The following MPDZ variants were observed in gnomAD, a reference collection of about 807,000 sequenced individuals.
The protein encoded by MPDZ is multiple PDZ domain crumbs cell polarity complex component.
MPDZ carries 234 observed loss-of-function variants against 239.1 expected under a neutral mutation model. The observed-to-expected ratio is 0.98, with a 90% CI of 0.88 to 1.09. The LOEUF is 1.09. Ranked by LOEUF, MPDZ falls within the 50% of genes least tolerant of loss-of-function variation. The pLI, the probability that MPDZ is intolerant of heterozygous loss-of-function variation, is 0.00. For synonymous variants in MPDZ, 1,048 were observed against 881.3 expected, an observed-to-expected ratio of 1.19 and a Z score of -3.35; for missense variants, 3,175 against 2,510.0, an observed-to-expected ratio of 1.26 and a Z score of -5.66.
chr9:13,221,571 T>C lies in MPDZ; in HGVS notation c.748-71A>G, dbSNP rs1587907183. 7 of 1,514,890 alleles carry C rather than the reference T, an allele frequency of 4.6e-6. No individual in the cohort carries two copies. The East Asian group carries it at 1.6e-4, about 35-fold the overall frequency. The allele number at this position is 1,514,890 out of a possible 1,614,324, so 93.8% of individuals were successfully genotyped here. ...CTACCATTTTACATTACAGTAGAAA[T>C]TTTTGCGATTATTTTGTTAATATTA... is the stretch of plus-strand genomic sequence containing the variant. On this transcript the variant is annotated intron_variant, in intron 6 of 46. Coordinates refer to ENST00000319217, the MANE Select transcript of MPDZ (RefSeq NM_001378778.1).
chr9:13,119,110 G>A (rs1216048755), intron 39 of MPDZ, among the ~76,000 whole-genome samples: 3 of 152,130 alleles, frequency 2.0e-5, no homozygotes, highest in African/African-American at 7.2e-5. Context: ...GATTTGAGAT[G>A]ACTTTTTATT....
At chr9:13,132,194 C>T (rs1314078960) in intron 32 of MPDZ, among the ~76,000 whole-genome samples, 5 of 152,084 alleles carry the variant, frequency 3.3e-5, no homozygotes, top group East Asian at 3.9e-4. Context: ...AAAAAGGAGG[C>T]GAAAGGCAGA....
chr9:13,121,693 C>G (rs1944371182), intron 38 of MPDZ, 46 bp downstream of exon 38: 1 of 1,581,710 alleles, frequency 6.3e-7, no homozygotes, highest in African/African-American at 1.3e-5. Context: ...TGATTTAAGT[C>G]CCATCATTTC....
chr9:13,143,472 G>C lies in MPDZ; in HGVS notation c.3834C>G (p.Ala1278=), dbSNP rs376910378. 10 of 1,610,834 alleles carry C rather than the reference G, an allele frequency of 6.2e-6. No individual in the cohort carries two copies. The highest frequency in any genetic ancestry group is 2.2e-5 in the South Asian group (2 of 90,916). Residue 1278 remains alanine, a synonymous_variant, in exon 27 of 47, where the codon GCC becomes GCG. Coordinates refer to ENST00000319217, the MANE Select transcript of MPDZ (RefSeq NM_001378778.1). ...ACAATGGGCATTATCCAACCTTGTC[G>C]GCGTTGATTTGTAGAGAGTCAGCAA... ...NPFADSLQIN[A]DKAPSQSESE... is the part of the protein sequence containing the mutation.
intron 1 of MPDZ, among the ~76,000 whole-genome samples, chr9:13,251,282 C>T (rs907374778): frequency 1.1e-4 from 16 of 152,002 alleles, no homozygotes; most frequent in Non-Finnish European, 1.9e-4. Context: ...TTCAAAAGTT[C>T]TCAAAATACT....
chr9:13,107,178 A>G, intron 46 of MPDZ, 67 bp from the exon 47 acceptor site: 1 of 1,471,492 alleles, frequency 6.8e-7, no homozygotes, highest in Non-Finnish European at 9.2e-7. Context: ...CAACAGAAAA[A>G]GATCTCAACA....
chr9:13,162,912 T>C (rs1950639370), intron 22 of MPDZ, 117 bp from the exon 23 acceptor site: 2 of 646,010 alleles, frequency 3.1e-6, no homozygotes, highest in Non-Finnish European at 5.4e-6. Context: ...TACTTTTTCA[T>C]ACAACTCATT....
intron 3 of MPDZ, among the ~76,000 whole-genome samples, chr9:13,238,656 T>C (rs192785530): frequency 6.6e-6 from 1 of 152,288 alleles, no homozygotes; most frequent in African/African-American, 2.4e-5. Context: ...AACTAAACTT[T>C]AAGAAAACTC....
chr9:13,197,234 G>A (rs1277984175), intron 12 of MPDZ, among the ~76,000 whole-genome samples: 1 of 151,736 alleles, frequency 6.6e-6, no homozygotes. Context: ...ATTAAATTCA[G>A]TCCAGAGGTT....
intron 13 of MPDZ, among the ~76,000 whole-genome samples, chr9:13,194,875 T>C (rs575853562): frequency 5.3e-5 from 8 of 152,272 alleles, no homozygotes; most frequent in African/African-American, 1.7e-4. Context: ...TGAAGTTTCA[T>C]GTTAACCACT....
At chr9:13,132,453 A>G (rs1946136933) in intron 32 of MPDZ, among the ~76,000 whole-genome samples, 1 of 152,078 alleles carries the variant, frequency 6.6e-6, no homozygotes, top group African/African-American at 2.4e-5. Flanking sequence ...CGTCCTTGGG[A>G]GGTTCTGAGT....
At chr9:13,117,577 G>A (rs1263047151) in intron 39 of MPDZ, among the ~76,000 whole-genome samples, 4 of 150,296 alleles carry the variant, frequency 2.7e-5, no homozygotes, top group African/African-American at 4.9e-5. Flanking sequence ...ACAAATACAT[G>A]TTTGCCATGC....
At chr9:13,136,520 AT>A (rs2132287526) in intron 30 of MPDZ, among the ~76,000 whole-genome samples, 191 bp downstream of exon 30, 1 of 150,972 alleles carries the variant, frequency 6.6e-6, no homozygotes, top group East Asian at 2.0e-4. Context: ...TAGAGACGGG[AT>A]TTCACCATGT....
At chr9:13,244,258 T>A (rs1966076613) in intron 3 of MPDZ, among the ~76,000 whole-genome samples, 1 of 152,148 alleles carries the variant, frequency 6.6e-6, no homozygotes, top group African/African-American at 2.4e-5. Flanking sequence ...TCCTCAAGGC[T>A]GACAAGTTTC....
intron 3 of MPDZ, among the ~76,000 whole-genome samples, chr9:13,242,263 T>C (rs939240121): frequency 1.7e-4 from 24 of 141,610 alleles, no homozygotes; most frequent in African/African-American, 6.4e-4. Context: ...CCTGGCTCTG[T>C]TGCCCAGGCT....
intron 34 of MPDZ, among the ~76,000 whole-genome samples, chr9:13,126,273 G>A (rs1450783696): frequency 3.3e-5 from 5 of 152,124 alleles, no homozygotes; most frequent in Admixed American, 6.5e-5. Flanking sequence ...AGGAAAAAAT[G>A]GAAATATTTA....
At chr9:13,114,886 C>G (rs566670071) in intron 40 of MPDZ, among the ~76,000 whole-genome samples, 1 of 151,054 alleles carries the variant, frequency 6.6e-6, no homozygotes, top group Non-Finnish European at 1.5e-5. Context: ...GGTGACAGAG[C>G]GAGACTCTGT....
chr9:13,193,869 C>T (rs944902716), intron 13 of MPDZ, among the ~76,000 whole-genome samples: 10 of 152,032 alleles, frequency 6.6e-5, no homozygotes, highest in Admixed American at 3.3e-4. Context: ...ATGCCAAAGA[C>T]GATCTACTTT....
At chr9:13,258,108 G>A (rs1037680051) in intron 1 of MPDZ, among the ~76,000 whole-genome samples, 5 of 152,090 alleles carry the variant, frequency 3.3e-5, no homozygotes, top group Non-Finnish European at 7.4e-5. Flanking sequence ...AAATAAAACA[G>A]AATATTTGGT....
Sources: gnomAD v4.1 joint callset for allele counts (sites outside exome capture counted in the v4.1 genomes callset) on GRCh38, gnomAD v4.1.1 for gene constraint, MANE v1.5 for transcripts, NCBI Gene and HGNC (gene_info 2026-07-23, HGNC 2026-07-21) for gene names.